AASDH: variants seen among roughly 807,000 people sequenced by gnomAD.
AASDH encodes the protein aminoadipate-semialdehyde dehydrogenase.
A neutral mutation model predicts 102.3 loss-of-function variants in AASDH; 81 were observed. The ratio of observed to expected loss-of-function variants is 0.79; its 90% confidence interval spans 0.66 to 0.95. The LOEUF (loss-of-function observed/expected upper bound fraction) is 0.95. Ranked by LOEUF, AASDH falls within the 40% of genes least tolerant of loss-of-function variation. The probability of loss-of-function intolerance (pLI) is 0.00; values close to 1 mark genes in which losing one functional copy is unlikely to be tolerated. For synonymous variants in AASDH, 398 were observed against 454.0 expected, an observed-to-expected ratio of 0.88 and a Z score of 1.57; for missense variants, 1,203 against 1,266.2, an observed-to-expected ratio of 0.95 and a Z score of 0.76.
At chr4:56,339,191 T>A (rs138188144) in intron 14 of AASDH, among the ~76,000 whole-genome samples, 26,155 of 151,736 alleles carry the variant, frequency 0.17, 2,628 homozygotes, top group Admixed American at 0.31. Flanking sequence ...TCTTGCTCTG[T>A]CGCCCAGGCT....
chr4:56,346,284 T>C (rs1053017405), intron 11 of AASDH, among the ~76,000 whole-genome samples: 1 of 152,194 alleles, frequency 6.6e-6, no homozygotes, highest in Non-Finnish European at 1.5e-5. Context: ...GTACTTTTTA[T>C]GCTTTTTTTT....
At position 56,341,020 on chromosome 4, in the gene AASDH, T is replaced by G. The variant is rs569217981; in HGVS notation, c.2907+1815A>C. ...ATTACTAAAAGAACATAACAAATGCTGGCAAGGATGTGGAGAAAAAGGAAC... is the reference window on the plus strand; with the variant it reads ...ATTACTAAAAGAACATAACAAATGCGGGCAAGGATGTGGAGAAAAAGGAAC... On this transcript the variant is annotated intron_variant, in intron 14 of 14. Transcript: ENST00000205214. Among the ~76,000 whole-genome samples, 8 of 152,264 alleles carry G rather than the reference T, an allele frequency of 5.3e-5. No individual in the cohort carries two copies. The South Asian group carries it at 1.7e-3, about 32-fold the overall frequency.
At chr4:56,380,998 A>C (rs763876103) in intron 3 of AASDH, among the ~76,000 whole-genome samples, 14 of 152,204 alleles carry the variant, frequency 9.2e-5, no homozygotes, top group Non-Finnish European at 2.1e-4. Context: ...GAACACTTAC[A>C]CCATCATCAA....
intron 5 of AASDH, among the ~76,000 whole-genome samples, chr4:56,363,026 A>G (rs1238413866): frequency 6.6e-6 from 1 of 152,226 alleles, no homozygotes; most frequent in Non-Finnish European, 1.5e-5. Context: ...CTCCCACACT[A>G]ATACTGCGCT....
intron 1 of AASDH, among the ~76,000 whole-genome samples, chr4:56,386,262 G>A (rs934536861): frequency 6.6e-6 from 1 of 152,134 alleles, no homozygotes; most frequent in African/African-American, 2.4e-5. Flanking sequence ...TGCAGCAGGC[G>A]CTTAAATTAT....
At chr4:56,356,012 G>A (rs1208940121) in intron 5 of AASDH, 1 of 492,548 alleles carries the variant, frequency 2.0e-6, no homozygotes, top group Non-Finnish European at 3.6e-6. Flanking sequence ...TACACAAAAA[G>A]GTTTAGGATA....
At chr4:56,362,185 C>T (rs1347879121) in intron 5 of AASDH, among the ~76,000 whole-genome samples, 2 of 152,116 alleles carry the variant, frequency 1.3e-5, no homozygotes, top group African/African-American at 4.8e-5. Context: ...GCCTTTTTCC[C>T]CCCACAGTAA....
At chr4:56,360,754 G>A (rs1344834860) in intron 5 of AASDH, among the ~76,000 whole-genome samples, 4 of 151,962 alleles carry the variant, frequency 2.6e-5, no homozygotes, top group Non-Finnish European at 5.9e-5. Flanking sequence ...AAATCCATAC[G>A]GAGTTGTAAC....
At chr4:56,345,694 C>T (rs1473486017) in intron 11 of AASDH, among the ~76,000 whole-genome samples, 1 of 152,194 alleles carries the variant, frequency 6.6e-6, no homozygotes, top group Non-Finnish European at 1.5e-5. Flanking sequence ...AATGTGGAGT[C>T]ATCTACTTCC....
intron 5 of AASDH, among the ~76,000 whole-genome samples, chr4:56,370,879 AT>A (rs1470949425): frequency 6.6e-6 from 1 of 152,204 alleles, no homozygotes; most frequent in Non-Finnish European, 1.5e-5. Flanking sequence ...TGCATATAAT[AT>A]TGCTAATTCT....
intron 10 of AASDH, among the ~76,000 whole-genome samples, chr4:56,351,138 T>G (rs1748951794): frequency 6.6e-6 from 1 of 152,206 alleles, no homozygotes; most frequent in African/African-American, 2.4e-5. Context: ...AATAAATTTC[T>G]TTGTCGGAAA....
rs1753098613 is a variant in AASDH, at chr4:56,382,540, T to C, written c.288A>G (p.Leu96=). 3 of 1,609,288 alleles carry C rather than the reference T, an allele frequency of 1.9e-6. No individual in the cohort carries two copies. The highest frequency in any genetic ancestry group is 1.7e-6 in the Non-Finnish European group (2 of 1,176,406). Reference sequence around the variant, plus strand: ...TACATTTTTTCATAAAATGAGTTGATAATGACGGTGGTGAATCTGGCTCGA... The same window carrying C: ...TACATTTTTTCATAAAATGAGTTGACAATGACGGTGGTGAATCTGGCTCGA... ...VPIEPDSPPS[L]STHFMKKCNL... The change falls in exon 3 of 15, where the codon TTA becomes TTG. Residue 96 remains leucine, a synonymous_variant. Transcript: ENST00000205214.
At position 56,384,284 on chromosome 4, in the gene AASDH, A is replaced by G. The variant is rs1292137045; in HGVS notation, c.16T>C (p.Leu6=). The change falls in exon 2 of 15, where the codon TTG becomes CTG. Residue 6 remains leucine (L), a synonymous_variant. Transcript: ENST00000205214. The part of the protein sequence containing the change: MTLQE[L]VHKAASCYMD... The stretch of plus-strand genomic sequence containing the variant: ...TAACAGGAGGCAGCCTTATGCACCA[A>G]TTCCTGAAGAGTCATTTCACTGAAG... 1 of 1,614,032 alleles carries G rather than the reference A, an allele frequency of 6.2e-7. No homozygotes were observed. The highest frequency in any genetic ancestry group is 8.5e-7 in the Non-Finnish European group (1 of 1,179,978).
rs759232260 is a variant in AASDH, at chr4:56,354,696, T to C, written c.1210+9A>G. The C allele has an allele frequency of 1.9e-6, 3 of 1,583,138 alleles. No homozygotes were observed. The highest frequency in any genetic ancestry group is 2.6e-6 in the Non-Finnish European group (3 of 1,166,726). On this transcript the variant is annotated intron_variant, in intron 7 of 14. Transcript: ENST00000205214. ...AAAAAAAATTCCCAATCAACAAATA[T>C]AAAACAACCTAAAAATACTTGGCCA...
intron 11 of AASDH, among the ~76,000 whole-genome samples, chr4:56,348,265 T>C (rs1183668684): frequency 6.6e-6 from 1 of 152,002 alleles, no homozygotes; most frequent in Non-Finnish European, 1.5e-5. Flanking sequence ...GCACTTTTTT[T>C]TTTTTTGAGA....
At chr4:56,341,294 G>A (rs1372552042) in intron 14 of AASDH, among the ~76,000 whole-genome samples, 1 of 151,072 alleles carries the variant, frequency 6.6e-6, no homozygotes, top group African/African-American at 2.4e-5. Flanking sequence ...TAAAGAAAAT[G>A]TAGTATATAT....
At chr4:56,382,106 A>C (rs746542560) in intron 3 of AASDH, 1 of 155,420 alleles carries the variant, frequency 6.4e-6, no homozygotes, top group Non-Finnish European at 1.4e-5. Flanking sequence ...AGAGAAATTC[A>C]AAACAATGCA....
At position 56,338,734 on chromosome 4, in the gene AASDH, C is replaced by CTGA. The variant is rs1560556642; in HGVS notation, c.2962_2964dup (p.Ser988dup). On this transcript the variant is annotated inframe_insertion, in exon 15 of 15. Coordinates refer to ENST00000205214, the MANE Select transcript of AASDH (RefSeq NM_181806.4). ...TGGGAACCAAAAAATATTTTTTGCT[C>CTGA]TGATGGTGAGGTACACGGGGATGAA... The CTGA allele has an allele frequency of 8.1e-6, 13 of 1,614,002 alleles. No individual in the cohort carries two copies. The highest frequency in any genetic ancestry group is 1.3e-5 in the African/African-American group (1 of 74,930).
At chr4:56,352,574 T>G (rs1240768114) in intron 9 of AASDH, among the ~76,000 whole-genome samples, 1 of 152,184 alleles carries the variant, frequency 6.6e-6, no homozygotes, top group Non-Finnish European at 1.5e-5. Flanking sequence ...TTTTGTATTT[T>G]TAGTAAAGAC....
Sources: allele counts gnomAD v4.1 joint callset (sites outside exome capture counted in the v4.1 genomes callset), GRCh38; gene constraint gnomAD v4.1.1; transcripts MANE v1.5; gene names NCBI Gene and HGNC (gene_info 2026-07-23, HGNC 2026-07-21).